Variants in GPR173 observed in about 807,000 individuals in gnomAD.
GPR173 encodes the protein G protein-coupled receptor 173, also known as probable G protein-coupled receptor 173.
In GPR173, 2 loss-of-function variants were observed where a neutral mutation model predicts 13.9. The ratio of observed to expected loss-of-function variants is 0.14; its 90% CI spans 0.06 to 0.45. GPR173 has a LOEUF of 0.45. GPR173 is among the 20% of genes least tolerant of loss of function. The probability of loss-of-function intolerance (pLI) is 0.98; values close to 1 mark genes in which losing one functional copy is unlikely to be tolerated. For synonymous variants in GPR173, 131 were observed against 141.0 expected (o/e 0.93, Z 0.50); for missense variants, 202 against 340.5 (o/e 0.59, Z 3.20).
chrX:53,060,125 A>G (rs1932103228), intron 1 of GPR173, among the ~76,000 whole-genome samples: 1 of 109,190 alleles, frequency 9.2e-6, no homozygotes, highest in African/African-American at 3.3e-5. Context: ...TAAACTCTCT[A>G]CATATACACA....
chrX:53,051,596 A>T (rs1556802689), intron 1 of GPR173, among the ~76,000 whole-genome samples: 1 of 110,419 alleles, frequency 9.1e-6, no homozygotes, highest in Non-Finnish European at 1.9e-5. Context: ...TGGGGTGGGC[A>T]TGACTTTGCA....
chrX:53,052,662 C>T (rs1556802872), intron 1 of GPR173, among the ~76,000 whole-genome samples: 2 of 108,715 alleles, frequency 1.8e-5, no homozygotes. Flanking sequence ...CCTGTACATT[C>T]AGACAGGCAT....
intron 1 of GPR173, among the ~76,000 whole-genome samples, chrX:53,066,842 G>A (rs1932190242): frequency 9.0e-6 from 1 of 111,068 alleles, no homozygotes; most frequent in Admixed American, 9.7e-5. Context: ...GGTGGGAAAT[G>A]TCTTGGATTT....
At chrX:53,074,088 TTATATATAAATATATAAATATA>T (rs1932345262) in intron 1 of GPR173, among the ~76,000 whole-genome samples, 1 of 30,447 alleles carries the variant, frequency 3.3e-5, no homozygotes, top group Non-Finnish European at 5.4e-5. Flanking sequence ...GTATATTTAT[TTATATATAAATATATAAATATA>T]CATTTATATA....
intron 1 of GPR173, among the ~76,000 whole-genome samples, chrX:53,074,050 A>T (rs782020972): frequency 4.0e-4 from 16 of 39,647 alleles, no homozygotes; most frequent in Admixed American, 8.6e-4. Context: ...AAATATAAAT[A>T]TATATTTATA....
chrX:53,067,804 A>G, intron 1 of GPR173, among the ~76,000 whole-genome samples: 1 of 90,535 alleles, frequency 1.1e-5, no homozygotes, highest in Middle Eastern at 5.0e-3. Flanking sequence ...CGCCTGGGCG[A>G]CAGAGCGAGA....
Position 53,076,590 on chromosome X carries a change from C to G in GPR173, c.-32C>G, listed in dbSNP as rs1403084759. ...CATCGAGTACCGGACTGGCTGACCC[C>G]CTAGGGTTGGCAGTAGCCCCTGACC... On this transcript the variant is annotated 5_prime_UTR_variant, in exon 2 of 2. Transcript: ENST00000332582. 8.7e-7 allele frequency: 1 copy of G among 1,151,891 alleles called. No individual in the cohort carries two copies. The highest frequency in any genetic ancestry group is 1.2e-6 in the Non-Finnish European group (1 of 860,494). The allele number at this position is 1,151,891 out of a possible 1,213,427, so 94.9% of individuals were successfully genotyped here.
intron 1 of GPR173, among the ~76,000 whole-genome samples, chrX:53,055,763 C>G (rs782178762): frequency 9.2e-6 from 1 of 109,263 alleles, no homozygotes; most frequent in Non-Finnish European, 1.9e-5. Context: ...TTGAGTGGAT[C>G]TCCATGGTCT....
chrX:53,062,694 G>A (rs1408074596), intron 1 of GPR173, among the ~76,000 whole-genome samples: 2 of 102,456 alleles, frequency 2.0e-5, no homozygotes, highest in Non-Finnish European at 3.9e-5. Flanking sequence ...GGGCTCAAGC[G>A]ATCCTCTCAC....
chrX:53,054,146 GTA>G (rs1450169557), intron 1 of GPR173, among the ~76,000 whole-genome samples: 20 of 96,562 alleles, frequency 2.1e-4, no homozygotes, highest in South Asian at 4.5e-4. Flanking sequence ...GAGTGTGTGT[GTA>G]TGTGTGTGTG....
In GPR173 at chrX:53,048,934, A is replaced by G. The variant is rs1931913102; in HGVS notation, c.-648A>G. Among the ~76,000 whole-genome samples, 3 of 110,544 alleles carry G rather than the reference A, an allele frequency of 2.7e-5. No homozygotes were observed. The highest frequency in any genetic ancestry group is 9.9e-5 in the African/African-American group (3 of 30,448). On this transcript the variant is annotated 5_prime_UTR_variant, in exon 1 of 2. Transcript: ENST00000332582. ...AGCCCCCCCAACCTGGGGCTCTCCC[A>G]GGCCATGGCCCGTGTGCTCCCAGGG... is the stretch of plus-strand genomic sequence containing the variant.
In GPR173 at chrX:53,077,998, TTCTCTCTCTCTCTCTCTCTGTCTCTCTC is replaced by T. The variant is rs1932467120; in HGVS notation, c.*275_*302del. ...CTCCTTCTCCACTTCTACAATCTCATTCTCTCTCTCTCTCTCTCTGTCTCTCTCTCTCTCTCTCTCTCTCTCTCAGAAG... is the reference window on the plus strand; with the variant it reads ...CTCCTTCTCCACTTCTACAATCTCATTCTCTCTCTCTCTCTCTCTCAGAAG... On this transcript the variant is annotated 3_prime_UTR_variant, in exon 2 of 2. Coordinates refer to ENST00000332582, the MANE Select transcript of GPR173 (RefSeq NM_018969.6). 1 of 241,882 alleles carries T rather than the reference TTCTCTCTCTCTCTCTCTCTGTCTCTCTC, an allele frequency of 4.1e-6. No homozygotes were observed. The highest frequency in any genetic ancestry group is 7.4e-6 in the Non-Finnish European group (1 of 135,881). 19.9% of individuals were successfully genotyped at this position (241,882 alleles called of 1,213,427 possible).
chrX:53,062,373 T>A, intron 1 of GPR173, among the ~76,000 whole-genome samples: 1 of 109,863 alleles, frequency 9.1e-6, no homozygotes, highest in Non-Finnish European at 1.9e-5. Context: ...AGACTCCAGG[T>A]GCAATTCATC....
Position 53,077,612 on chromosome X carries a change from G to A in GPR173, c.991G>A (p.Ala331Thr), listed in dbSNP as rs782281124. The A allele has an allele frequency of 5.0e-6, 6 of 1,211,347 alleles. No individual in the cohort carries two copies. The highest frequency in any genetic ancestry group is 1.8e-5 in the South Asian group (1 of 57,033). Residue 331 changes from alanine to threonine, a missense_variant, in exon 2 of 2, where the codon GCC becomes ACC. Ala to Thr is a moderately conservative substitution (Grantham distance 58). Around this residue, in one of 3 missense-constraint regions of GPR173, gnomAD observed 76 missense variants for 116.3 expected, o/e 0.65. Coordinates refer to ENST00000332582, the MANE Select transcript of GPR173 (RefSeq NM_018969.6). The stretch of plus-strand genomic sequence containing the variant: ...GGCCACTGCTGTTTGGATGAGCTTC[G>A]CCCAGGCTGCCGTCAACCCAATTGT... Reference protein sequence around the residue: ...YLATAVWMSFAQAAVNPIVCF... With the variant: ...YLATAVWMSFTQAAVNPIVCF...
intron 1 of GPR173, among the ~76,000 whole-genome samples, chrX:53,059,899 G>A (rs782600423): frequency 3.7e-4 from 39 of 106,523 alleles, no homozygotes; most frequent in African/African-American, 1.3e-3. Context: ...TGAGGTGAGA[G>A]GATCCCTTGA....
chrX:53,063,688 A>G (rs948564959), intron 1 of GPR173, among the ~76,000 whole-genome samples: 1 of 111,964 alleles, frequency 8.9e-6, no homozygotes, highest in East Asian at 2.8e-4. Flanking sequence ...TGCTGCTTAG[A>G]TATTTTTTCT....
At chrX:53,061,991 A>AGAGAAGAGAAG (rs113986287) in intron 1 of GPR173, among the ~76,000 whole-genome samples, 3,440 of 105,478 alleles carry the variant, frequency 0.033, 125 homozygotes, top group East Asian at 0.075. Flanking sequence ...AGGGAAGAGA[A>AGAGAAGAGAAG]AGAAGAGAAG....
At chrX:53,065,257 T>C (rs1432311241) in intron 1 of GPR173, 2 of 112,180 alleles carry the variant, frequency 1.8e-5, no homozygotes, top group African/African-American at 3.2e-5. Flanking sequence ...TCCATGGAGA[T>C]TGCTCACACA....
chrX:53,059,634 A>G (rs1422203097), intron 1 of GPR173, among the ~76,000 whole-genome samples: 2 of 109,094 alleles, frequency 1.8e-5, no homozygotes, highest in Non-Finnish European at 3.8e-5. Flanking sequence ...TCTACAAAAA[A>G]TATAAAAATT....
Sources: gnomAD v4.1 joint callset for allele counts (sites outside exome capture counted in the v4.1 genomes callset) on GRCh38, gnomAD v4.1.1 for gene constraint, gnomAD v4.1.1 regional missense constraint, MANE v1.5 for transcripts, NCBI Gene and HGNC (gene_info 2026-07-23, HGNC 2026-07-21) for gene names.